The following CCDC90B variants were observed in gnomAD, a reference collection of about 807,000 sequenced individuals.
CCDC90B encodes the protein coiled-coil domain-containing protein 90B, mitochondrial.
In CCDC90B, 24 loss-of-function variants were observed where a neutral mutation model predicts 37.0. The observed-to-expected ratio is 0.65, with a 90% confidence interval of 0.47 to 0.91. The LOEUF (loss-of-function observed/expected upper bound fraction) is 0.91. Among genes scored for constraint, CCDC90B ranks in the 40% least tolerant of loss-of-function variants. CCDC90B has a pLI of 0.00. For missense variants in CCDC90B, 319 were observed against 299.0 expected, an observed-to-expected ratio of 1.07 and a Z score of -0.49; for synonymous variants, 113 against 101.1, an observed-to-expected ratio of 1.12 and a Z score of -0.71.
rs143941395 is a variant in CCDC90B at position 83,285,926 on chromosome 11, C to T, written c.47G>A (p.Gly16Glu). 4.6e-5 allele frequency: 74 copies of T among 1,613,624 alleles called. No individual in the cohort carries two copies. The African/African-American group carries it at 8.5e-4, about 19-fold the overall frequency. ...GCGGGGCCTTGAAACCCAACGATCT[C>T]CTCTGCCTTGGGAGAGAAAGAGCCG... Reference protein sequence around the residue: ...AWRLFLSQGRGDRWVSRPRGH... With the variant: ...AWRLFLSQGREDRWVSRPRGH... The change falls in exon 1 of 9, where the codon GGA becomes GAA. Residue 16 changes from glycine (G) to glutamate (E), a missense_variant. Transcript: ENST00000529689.
At chr11:83,277,607 C>T (rs761671484) in intron 3 of CCDC90B, among the ~76,000 whole-genome samples, 3 of 151,882 alleles carry the variant, frequency 2.0e-5, no homozygotes, top group South Asian at 2.1e-4. Context: ...CTCAGCCTCC[C>T]GAGGAGCTGG....
At chr11:83,282,664 G>A (rs1865459230) in intron 1 of CCDC90B, among the ~76,000 whole-genome samples, 1 of 152,178 alleles carries the variant, frequency 6.6e-6, no homozygotes, top group African/African-American at 2.4e-5. Flanking sequence ...CCCCTGCCCT[G>A]TTCAGAAAGC....
chr11:83,279,473 C>A (rs925017497), intron 2 of CCDC90B, among the ~76,000 whole-genome samples: 1 of 152,052 alleles, frequency 6.6e-6, no homozygotes, highest in African/African-American at 2.4e-5. Context: ...AGAGGTTAAG[C>A]ATTACATATA....
chr11:83,285,593 C>G, intron 1 of CCDC90B: 1 of 1,296,054 alleles, frequency 7.7e-7, no homozygotes, highest in African/African-American at 1.5e-5. Flanking sequence ...CTCTTGTCAC[C>G]AAAAAACGGA....
At chr11:83,281,001 G>A (rs531218554) in intron 1 of CCDC90B, among the ~76,000 whole-genome samples, 3 of 152,236 alleles carry the variant, frequency 2.0e-5, no homozygotes, top group Non-Finnish European at 4.4e-5. Flanking sequence ...AATTCCCCAA[G>A]TTTTAACCTA....
At chr11:83,278,340 C>A (rs2135654282) in intron 3 of CCDC90B, among the ~76,000 whole-genome samples, 1 of 152,312 alleles carries the variant, frequency 6.6e-6, no homozygotes, top group South Asian at 2.1e-4. Context: ...CCAGCTATGT[C>A]TGTGAAAATT....
chr11:83,274,793 T>C (rs1864925210), intron 3 of CCDC90B, 53 bp from the exon 4 acceptor site: 1 of 1,132,216 alleles, frequency 8.8e-7, no homozygotes, highest in Non-Finnish European at 1.3e-6. Context: ...CATCTTTTTA[T>C]TTACAGAATT....
rs181428025 is a variant in CCDC90B at position 83,270,339 on chromosome 11, T to A, written c.594+3308A>T. ...GCAAGAGAAATAAAGGGTATTCAAT[T>A]AGGAAGAGAGGAAGTCAAATTGTCC... On this transcript the variant is annotated intron_variant, in intron 7 of 8. Coordinates refer to ENST00000529689, the MANE Select transcript of CCDC90B (RefSeq NM_021825.5). 4.1e-3 allele frequency among the ~76,000 whole-genome samples: 630 copies of A among 152,264 alleles called. 3 individuals carry two copies. The highest frequency in any genetic ancestry group is 5.0e-3 in the Admixed American group (77 of 15,298).
In CCDC90B at chr11:83,285,935, T is replaced by C. The variant is rs150668823; in HGVS notation, c.38A>G (p.Gln13Arg). Reference protein sequence around the residue: ...SRQAWRLFLSQGRGDRWVSRP... With the variant: ...SRQAWRLFLSRGRGDRWVSRP... The stretch of plus-strand genomic sequence containing the variant: ...TGAAACCCAACGATCTCCTCTGCCT[T>C]GGGAGAGAAAGAGCCGCCAAGCCTG... The change falls in exon 1 of 9, where the codon CAA (glutamine) becomes CGA (arginine). Residue 13 changes from glutamine (Q) to arginine (R), a missense_variant. Transcript: ENST00000529689. 33 of 1,613,138 alleles carry C rather than the reference T, an allele frequency of 2.0e-5. No homozygotes were observed. In the Middle Eastern group the frequency reaches 4.9e-4, roughly 24 times the overall value.
chr11:83,274,786 C>G, intron 3 of CCDC90B, 46 bp from the exon 4 acceptor site: 3 of 1,194,136 alleles, frequency 2.5e-6, no homozygotes, highest in Non-Finnish European at 3.7e-6. Context: ...AGAAAGCCAT[C>G]TTTTTATTTA....
At chr11:83,276,630 G>A (rs1321944361) in intron 3 of CCDC90B, among the ~76,000 whole-genome samples, 2 of 152,116 alleles carry the variant, frequency 1.3e-5, no homozygotes, top group Non-Finnish European at 2.9e-5. Flanking sequence ...GATTACAGGC[G>A]TGAGCCACCA....
At chr11:83,285,349 T>G in intron 1 of CCDC90B, 3 of 1,180,364 alleles carry the variant, frequency 2.5e-6, no homozygotes, top group South Asian at 3.3e-5. Flanking sequence ...TGGAAACTTG[T>G]GGGTTCCAGT....
At position 83,285,360 on chromosome 11, in the gene CCDC90B, ATTCAC is replaced by A. The variant is rs140964477; in HGVS notation, c.100+508_100+512del. Reference sequence around the variant, plus strand: ...AGGTTGGAAACTTGTGGGTTCCAGTATTCACTTATTTTCCCAAAGTCTACAATGTG... The same window carrying A: ...AGGTTGGAAACTTGTGGGTTCCAGTATTATTTTCCCAAAGTCTACAATGTG... On this transcript the variant is annotated intron_variant, in intron 1 of 8. Coordinates refer to ENST00000529689, the MANE Select transcript of CCDC90B (RefSeq NM_021825.5). The A allele has an allele frequency of 4.6e-3, 5,347 of 1,171,266 alleles. 127 individuals are homozygous for A. The African/African-American group carries it at 0.061, about 13-fold the overall frequency. 72.6% of individuals were successfully genotyped at this position (1,171,266 alleles called of 1,614,324 possible). A position where few individuals can be genotyped will look rare whatever the true frequency, so the allele number is the denominator to read the frequency against.
rs1402820662 is a variant in CCDC90B, at chr11:83,261,587, T to A, written c.*324A>T. On this transcript the variant is annotated 3_prime_UTR_variant, in exon 9 of 9. Coordinates refer to ENST00000529689, the MANE Select transcript of CCDC90B (RefSeq NM_021825.5). ...TTCAACCAATACCCACAAAATCCTG[T>A]ATGATTTACACAACTGTTCAAGCAA... is the stretch of plus-strand genomic sequence containing the variant. 5.4e-6 allele frequency: 1 copy of A among 185,896 alleles called. No homozygotes were observed. Among genetic ancestry groups the A allele is most frequent in the Non-Finnish European group, 1.1e-5 (1 of 90,504 alleles). 11.5% of individuals were successfully genotyped at this position (185,896 alleles called of 1,614,324 possible).
chr11:83,274,682 A>G lies in CCDC90B; in HGVS notation c.383T>C (p.Ile128Thr), dbSNP rs201166481. Residue 128 changes from isoleucine (I) to threonine (T), a missense_variant, in exon 4 of 9, where the codon ATC becomes ACC. Transcript: ENST00000529689. ...ATTTGCAAATTCACTTTTCTCTAGGATGACCATGTCTTTCCTGATAGCATC... is the reference window on the plus strand; with the variant it reads ...ATTTGCAAATTCACTTTTCTCTAGGGTGACCATGTCTTTCCTGATAGCATC... ...HLDAIRKDMV[I>T]LEKSEFANLR... The G allele has an allele frequency of 4.3e-6, 7 of 1,610,340 alleles. No individual in the cohort carries two copies. Among genetic ancestry groups the G allele is most frequent in the Non-Finnish European group, 5.9e-6 (7 of 1,178,120 alleles).
chr11:83,264,223 G>C (rs989227584), intron 8 of CCDC90B, among the ~76,000 whole-genome samples: 1 of 152,050 alleles, frequency 6.6e-6, no homozygotes, highest in Non-Finnish European at 1.5e-5. Context: ...CATAAATTGT[G>C]GCATTTTCAT....
rs1863904393 is a variant in CCDC90B at position 83,261,046 on chromosome 11, A to G, written c.*865T>C. On this transcript the variant is annotated 3_prime_UTR_variant, in exon 9 of 9. Coordinates refer to ENST00000529689, the MANE Select transcript of CCDC90B (RefSeq NM_021825.5). Reference sequence around the variant, plus strand: ...AATAATCAGAGCTCAATATTTAGCAACTCTACAGATTTCATATTAAGTGTT... The same window carrying G: ...AATAATCAGAGCTCAATATTTAGCAGCTCTACAGATTTCATATTAAGTGTT... 6.6e-6 allele frequency: 1 copy of G among 152,146 alleles called. No individual in the cohort carries two copies. The highest frequency in any genetic ancestry group is 6.5e-5 in the Admixed American group (1 of 15,268). The allele number at this position is 152,146 out of a possible 1,614,324, so 9.4% of individuals were successfully genotyped here.
At chr11:83,278,188 A>C (rs1865160510) in intron 3 of CCDC90B, among the ~76,000 whole-genome samples, 1 of 152,208 alleles carries the variant, frequency 6.6e-6, no homozygotes, top group African/African-American at 2.4e-5. Context: ...TTAGAGATTA[A>C]ATAATATACG....
chr11:83,268,014 A>G (rs1864399501), intron 7 of CCDC90B, among the ~76,000 whole-genome samples: 1 of 152,200 alleles, frequency 6.6e-6, no homozygotes, highest in South Asian at 2.1e-4. Context: ...AAGCCTCATA[A>G]GTGAAGGAGA....
Sources: allele counts gnomAD v4.1 joint callset (sites outside exome capture counted in the v4.1 genomes callset), GRCh38; gene constraint gnomAD v4.1.1; transcripts MANE v1.5; gene names NCBI Gene and HGNC (gene_info 2026-07-23, HGNC 2026-07-21).